Variants in RARB observed in about 807,000 individuals in gnomAD.
RARB encodes the protein retinoic acid receptor beta.
RARB carries 17 observed loss-of-function variants against 51.9 expected under a neutral mutation model. The observed-to-expected ratio is 0.33, with a 90% CI of 0.22 to 0.49. The LOEUF (loss-of-function observed/expected upper bound fraction) is 0.49, where lower values mean the gene tolerates loss of function less well. Ranked by LOEUF, RARB falls within the 20% of genes least tolerant of loss-of-function variation. The pLI, the probability that RARB is intolerant of heterozygous loss-of-function variation, is 0.99. For synonymous variants in RARB, 215 were observed against 195.4 expected (o/e 1.10, Z -0.84); for missense variants, 369 against 550.8 (o/e 0.67, Z 3.30).
intron 5 of RARB, among the ~76,000 whole-genome samples, chr3:25,293,282 A>C (rs1280728142): frequency 6.6e-6 from 1 of 152,164 alleles, no homozygotes; most frequent in African/African-American, 2.4e-5. Context: ...CAGTCTGGGC[A>C]GTGAGCACCT....
At chr3:25,557,835 G>C (rs563639915) in intron 3 of RARB, among the ~76,000 whole-genome samples, 12 of 152,242 alleles carry the variant, frequency 7.9e-5, no homozygotes, top group African/African-American at 2.9e-4. Context: ...TCCAGCCACA[G>C]CCCAGAACTG....
At chr3:25,130,023 C>A (rs1484127086) in intron 3 of RARB, among the ~76,000 whole-genome samples, 2 of 152,024 alleles carry the variant, frequency 1.3e-5, no homozygotes, top group African/African-American at 4.8e-5. Context: ...TTTAGGAAGA[C>A]CCTATTAAAG....
chr3:24,862,193 G>A (rs1387943646), intron 2 of RARB, among the ~76,000 whole-genome samples: 1 of 152,180 alleles, frequency 6.6e-6, no homozygotes, highest in Non-Finnish European at 1.5e-5. Flanking sequence ...ATTTCCATCA[G>A]GTGTGGGTTT....
intron 5 of RARB, among the ~76,000 whole-genome samples, chr3:25,300,235 A>C (rs1170020041): frequency 1.3e-5 from 2 of 152,226 alleles, no homozygotes; most frequent in African/African-American, 4.8e-5. Flanking sequence ...CTTGCATTAT[A>C]ATTTGTTCAG....
At chr3:25,046,902 G>A (rs889981364) in intron 2 of RARB, among the ~76,000 whole-genome samples, 2 of 152,152 alleles carry the variant, frequency 1.3e-5, no homozygotes, top group Non-Finnish European at 2.9e-5. Context: ...TTTAAGAGAT[G>A]TGCACTCAGC....
Position 24,977,659 on chromosome 3 carries a change from A to G in RARB, c.-379-82466A>G, listed in dbSNP as rs137954307. ...CAGCTTAAGAAGATTTTGGGCTGAGACTGTGGGGTTTTCTAAATACACAAT... is the reference window on the plus strand; with the variant it reads ...CAGCTTAAGAAGATTTTGGGCTGAGGCTGTGGGGTTTTCTAAATACACAAT... On this transcript the variant is annotated intron_variant, in intron 2 of 11. Transcript: ENST00000383772. 4.6e-5 allele frequency among the ~76,000 whole-genome samples: 7 copies of G among 152,324 alleles called. No homozygotes were observed. The East Asian group carries it at 1.3e-3, about 29-fold the overall frequency.
chr3:25,154,120 T>C (rs534600284), intron 4 of RARB, among the ~76,000 whole-genome samples: 1 of 152,390 alleles, frequency 6.6e-6, no homozygotes, highest in South Asian at 2.1e-4. Context: ...AGCTATGTTG[T>C]GTTACACAAT....
intron 5 of RARB, among the ~76,000 whole-genome samples, chr3:25,251,883 A>C (rs1337315326): frequency 1.3e-5 from 2 of 152,078 alleles, no homozygotes; most frequent in East Asian, 3.9e-4. Context: ...CAATTTATCA[A>C]ATTTGTCTTT....
At position 24,930,818 on chromosome 3, in the gene RARB, G is replaced by A. The variant is rs186739378; in HGVS notation, c.-380+72066G>A. On this transcript the variant is annotated intron_variant, in intron 2 of 11. Coordinates refer to the RARB transcript ENST00000383772. ...GAGGCCAGGAGTTAGAGACCAGACT[G>A]GGCAACATAGTGAGATGGTGTCTCC... Among the ~76,000 whole-genome samples, 171 of 152,118 alleles carry A rather than the reference G, an allele frequency of 1.1e-3. 1 individual carries two copies. The highest frequency in any genetic ancestry group is 2.0e-3 in the Non-Finnish European group (133 of 67,958).
At chr3:24,992,020 G>C (rs60961284) in intron 2 of RARB, among the ~76,000 whole-genome samples, 6,431 of 152,060 alleles carry the variant, frequency 0.042, 428 homozygotes, top group African/African-American at 0.14. Context: ...AGTCTGTTTG[G>C]CTCTCCTTAT....
At chr3:25,264,754 G>T (rs1703086169) in intron 5 of RARB, among the ~76,000 whole-genome samples, 1 of 152,030 alleles carries the variant, frequency 6.6e-6, no homozygotes, top group Admixed American at 6.6e-5. Flanking sequence ...TTTTCCTTCT[G>T]CATGGGTGTA....
intron 4 of RARB, among the ~76,000 whole-genome samples, chr3:25,168,347 C>G (rs971321586): frequency 1.5e-4 from 23 of 152,200 alleles, no homozygotes; most frequent in African/African-American, 5.3e-4. Context: ...GCCTCAGCCT[C>G]CCAAGTAGCT....
chr3:24,930,552 TC>T (rs1695417042), intron 2 of RARB, among the ~76,000 whole-genome samples: 1 of 152,084 alleles, frequency 6.6e-6, no homozygotes, highest in Non-Finnish European at 1.5e-5. Flanking sequence ...CAACGTTTTA[TC>T]CCCAATGCCT....
At chr3:24,860,238 G>A (rs140120422) in intron 2 of RARB, among the ~76,000 whole-genome samples, 151 of 152,282 alleles carry the variant, frequency 9.9e-4, no homozygotes, top group African/African-American at 3.3e-3. Flanking sequence ...GTCACCTGGC[G>A]CATCTTGGGT....
intron 3 of RARB, among the ~76,000 whole-genome samples, chr3:25,524,755 A>G (rs1405081307): frequency 3.3e-5 from 5 of 150,970 alleles, no homozygotes; most frequent in Admixed American, 6.6e-5. Flanking sequence ...CATGAGATAC[A>G]GTCTCGCTTT....
intron 5 of RARB, among the ~76,000 whole-genome samples, chr3:25,222,004 G>C (rs73149224): frequency 0.023 from 3,489 of 152,274 alleles, 118 homozygotes; most frequent in African/African-American, 0.079. Context: ...GAGTTCTTCT[G>C]AAGACGGAGC....
intron 4 of RARB, among the ~76,000 whole-genome samples, chr3:25,156,048 G>A (rs924698504): frequency 4.6e-5 from 7 of 152,106 alleles, no homozygotes; most frequent in African/African-American, 1.4e-4. Context: ...GCAATTTTTC[G>A]ACTTGTATCA....
intron 5 of RARB, among the ~76,000 whole-genome samples, chr3:25,359,393 A>C (rs779421330): frequency 6.7e-6 from 1 of 149,968 alleles, no homozygotes; most frequent in Non-Finnish European, 1.5e-5. Flanking sequence ...TTAGTGGTCT[A>C]TCTATTTTGT....
chr3:25,108,483 A>T (rs900430269), intron 3 of RARB, among the ~76,000 whole-genome samples: 2 of 152,160 alleles, frequency 1.3e-5, no homozygotes, highest in Non-Finnish European at 2.9e-5. Context: ...GAAGAAACAG[A>T]TAGATAAATA....
Sources: allele counts gnomAD v4.1 joint callset (sites outside exome capture counted in the v4.1 genomes callset), GRCh38; gene constraint gnomAD v4.1.1; transcripts MANE v1.5; gene names NCBI Gene and HGNC (gene_info 2026-07-23, HGNC 2026-07-21).